Variants in NCS1 observed in about 807,000 individuals in gnomAD.
The protein encoded by NCS1 is frequenin homolog.
NCS1 carries 6 observed loss-of-function variants against 28.4 expected under a neutral mutation model. The ratio of observed to expected loss-of-function variants is 0.21; its 90% CI spans 0.12 to 0.42. NCS1 has a LOEUF of 0.42. Among genes scored for constraint, NCS1 ranks in the 10% least tolerant of loss-of-function variants. The pLI, the probability that NCS1 is intolerant of heterozygous loss-of-function variation, is 1.00. For synonymous variants in NCS1, 86 were observed against 99.3 expected (o/e 0.87, Z 0.79); for missense variants, 131 against 241.4 (o/e 0.54, Z 3.03).
At chr9:130,198,365 A>G (rs1327722767) in intron 1 of NCS1, among the ~76,000 whole-genome samples, 1 of 152,170 alleles carries the variant, frequency 6.6e-6, no homozygotes, top group Non-Finnish European at 1.5e-5. Context: ...GGGTCCAGGG[A>G]AGCCCCGCTC....
chr9:130,207,349 T>G (rs1285777509), intron 2 of NCS1, among the ~76,000 whole-genome samples: 1 of 152,232 alleles, frequency 6.6e-6, no homozygotes, highest in Non-Finnish European at 1.5e-5. Flanking sequence ...ACTTTTCCCC[T>G]GGGTCACCGT....
At chr9:130,222,446 C>T (rs1833344012) in intron 4 of NCS1, among the ~76,000 whole-genome samples, 1 of 152,100 alleles carries the variant, frequency 6.6e-6, no homozygotes, top group Non-Finnish European at 1.5e-5. Flanking sequence ...AGCCACCATG[C>T]CCAGCCTTAT....
At chr9:130,206,304 G>A (rs566344011) in intron 2 of NCS1, among the ~76,000 whole-genome samples, 1 of 152,200 alleles carries the variant, frequency 6.6e-6, no homozygotes, top group Admixed American at 6.5e-5. Context: ...AATGAGGTGA[G>A]CACCTGCATC....
In NCS1 at chr9:130,209,647, A is replaced by G. The variant is rs538469877; in HGVS notation, c.90-8185A>G. 1.3e-5 allele frequency among the ~76,000 whole-genome samples: 2 copies of G among 152,176 alleles called. No homozygotes were observed. The highest frequency in any genetic ancestry group is 3.9e-4 in the East Asian group (2 of 5,170). On this transcript the variant is annotated intron_variant, in intron 2 of 7. Coordinates refer to ENST00000372398, the MANE Select transcript of NCS1 (RefSeq NM_014286.4). This position sits in a 1 kb window ranked among gnomAD's most constrained non-coding sequence, Gnocchi z 4.4. ...GCCGTGTTGGGGAAGAGAAGGTGGG[A>G]GGTGTGGGAGGAGACCCAGCGCTGG...
intron 1 of NCS1, among the ~76,000 whole-genome samples, chr9:130,198,610 C>T (rs528167495): frequency 1.3e-4 from 20 of 152,324 alleles, no homozygotes; most frequent in African/African-American, 4.8e-4. Flanking sequence ...TTCAATTCCT[C>T]ATTGGGAAAA....
rs199577150 is a variant in NCS1, at chr9:130,232,799, CA to C, written c.*18-182del. Among the ~76,000 whole-genome samples, 1 of 148,098 alleles carries C rather than the reference CA, an allele frequency of 6.8e-6. No homozygotes were observed. The highest frequency in any genetic ancestry group is 1.5e-5 in the Non-Finnish European group (1 of 66,554). ...AGACTCCAACTCAAAAAAAAGCAAA[CA>C]AAAAAAAACCAAAAAACCCAAAGGG... On this transcript the variant is annotated intron_variant, in intron 7 of 7. Transcript: ENST00000372398. The surrounding 1 kb of genome is among the most constrained non-coding windows in gnomAD (Gnocchi z 4.4).
rs73545515 is a variant in NCS1 at position 130,185,522 on chromosome 9, C to T, written c.64+12795C>T. Among the ~76,000 whole-genome samples the T allele has an allele frequency of 2.4e-3, 363 of 152,268 alleles. 2 individuals carry two copies. Among genetic ancestry groups the T allele is most frequent in the African/African-American group, 8.4e-3 (348 of 41,568 alleles). The stretch of plus-strand genomic sequence containing the variant: ...CCAGCTGGCCAGGCCTCGTGAGGAC[C>T]CCAGACCCTTCTCACCTGCTGGGGC... On this transcript the variant is annotated intron_variant, in intron 1 of 7. Coordinates refer to ENST00000372398, the MANE Select transcript of NCS1 (RefSeq NM_014286.4).
intron 1 of NCS1, among the ~76,000 whole-genome samples, chr9:130,199,373 G>A (rs577027697): frequency 2.6e-5 from 4 of 152,324 alleles, no homozygotes; most frequent in Admixed American, 6.5e-5. Flanking sequence ...GATTACAGGC[G>A]TGAGCCACCG....
chr9:130,224,544 G>T lies in NCS1; in HGVS notation c.474+1385G>T, dbSNP rs564764758. Among the ~76,000 whole-genome samples the T allele has an allele frequency of 8.2e-4, 124 of 150,796 alleles. 1 individual carries two copies. Among genetic ancestry groups the T allele is most frequent in the African/African-American group, 2.9e-3 (117 of 40,882 alleles). On this transcript the variant is annotated intron_variant, in intron 6 of 7. Coordinates refer to ENST00000372398, the MANE Select transcript of NCS1 (RefSeq NM_014286.4). ...CTGCACTCCAGCCTGGGCAATAAGA[G>T]TGAGACTGTCTCAAAAGAAAAAAAA...
intron 1 of NCS1, chr9:130,200,587 C>T (rs1199163272): frequency 6.4e-7 from 1 of 1,551,654 alleles, no homozygotes. Flanking sequence ...ACATCCCGTC[C>T]CCAGGGATTG....
At chr9:130,230,351 AAAAAC>A (rs1554911922) in intron 7 of NCS1, among the ~76,000 whole-genome samples, 1 of 150,962 alleles carries the variant, frequency 6.6e-6, no homozygotes, top group Non-Finnish European at 1.5e-5. Context: ...ACTCTGTCTG[AAAAAC>A]AAAACAAAAC....
At chr9:130,214,884 AG>A (rs1655712842) in intron 2 of NCS1, among the ~76,000 whole-genome samples, 1 of 152,138 alleles carries the variant, frequency 6.6e-6, no homozygotes, top group Non-Finnish European at 1.5e-5. Context: ...AGGCCCCCAA[AG>A]GCTCCCCACT....
intron 4 of NCS1, among the ~76,000 whole-genome samples, chr9:130,220,814 T>C (rs1317955000): frequency 1.3e-5 from 2 of 151,440 alleles, no homozygotes; most frequent in African/African-American, 4.9e-5. Flanking sequence ...CTCCTCTCAA[T>C]GCACTATTTT....
chr9:130,205,299 G>A (rs1212437971), intron 2 of NCS1, among the ~76,000 whole-genome samples: 3 of 152,036 alleles, frequency 2.0e-5, no homozygotes, highest in African/African-American at 4.8e-5. Context: ...TTGAGGGGGC[G>A]GTGTGGAGGC....
chr9:130,175,437 C>T lies in NCS1; in HGVS notation c.64+2710C>T, dbSNP rs763440454. ...GTACCTGGGCTGCCCTCCCGGATTTCCGATTCTTTAGGTCTGGCTGGGGCC... is the reference window on the plus strand; with the variant it reads ...GTACCTGGGCTGCCCTCCCGGATTTTCGATTCTTTAGGTCTGGCTGGGGCC... On this transcript the variant is annotated intron_variant, in intron 1 of 7. Transcript: ENST00000372398. The surrounding 1 kb of genome is among the most constrained non-coding windows in gnomAD (Gnocchi z 4.9). Among the ~76,000 whole-genome samples the T allele has an allele frequency of 2.6e-4, 39 of 152,144 alleles. No individual in the cohort carries two copies. Among genetic ancestry groups the T allele is most frequent in the Non-Finnish European group, 5.4e-4 (37 of 68,022 alleles).
At chr9:130,198,690 T>G (rs982538415) in intron 1 of NCS1, among the ~76,000 whole-genome samples, 1 of 152,150 alleles carries the variant, frequency 6.6e-6, no homozygotes, top group Admixed American at 6.5e-5. Context: ...TTCCCAACAA[T>G]CCCATTTCAC....
intron 1 of NCS1, among the ~76,000 whole-genome samples, chr9:130,173,176 C>T (rs1298553495): frequency 2.9e-4 from 44 of 150,294 alleles, no homozygotes; most frequent in African/African-American, 1.1e-3. Context: ...TGGCCTGTCG[C>T]CCCCTCCCTG....
intron 1 of NCS1, among the ~76,000 whole-genome samples, chr9:130,199,285 G>C (rs1832913153): frequency 6.6e-6 from 1 of 152,116 alleles, no homozygotes; most frequent in Non-Finnish European, 1.5e-5. Context: ...AGTAGAGATG[G>C]GGTTTCACCG....
Position 130,219,909 on chromosome 9 carries a change from G to A in NCS1, c.307+106G>A. ...GCAGGGGTGCCAGACACCCACTGCA[G>A]TGACCACAGATGGCGTCCCAGCTGT... On this transcript the variant is annotated intron_variant, in intron 4 of 7. Transcript: ENST00000372398. The surrounding 1 kb of genome is among the most constrained non-coding windows in gnomAD (Gnocchi z 5.7). 8.3e-7 allele frequency: 1 copy of A among 1,209,714 alleles called. No individual in the cohort carries two copies. 74.9% of individuals were successfully genotyped at this position (1,209,714 alleles called of 1,614,324 possible).
Sources: allele counts gnomAD v4.1 joint callset (sites outside exome capture counted in the v4.1 genomes callset), GRCh38; gene constraint gnomAD v4.1.1; non-coding constraint Gnocchi (gnomAD v3.1); transcripts MANE v1.5; gene names NCBI Gene and HGNC (gene_info 2026-07-23, HGNC 2026-07-21).